LIN54: variants seen among roughly 807,000 people sequenced by gnomAD.
The protein encoded by LIN54 is protein lin-54 homolog.
In LIN54, 9 loss-of-function variants were observed where a neutral mutation model predicts 78.7. The ratio of observed to expected loss-of-function variants is 0.11; its 90% confidence interval spans 0.07 to 0.20. The LOEUF is 0.20. Among genes scored for constraint, LIN54 ranks in the 10% least tolerant of loss-of-function variants. The pLI, the probability that LIN54 is intolerant of heterozygous loss-of-function variation, is 1.00. For synonymous variants in LIN54, 269 were observed against 318.4 expected (o/e 0.84, Z 1.65); for missense variants, 573 against 889.9 (o/e 0.64, Z 4.53).
intron 1 of LIN54, among the ~76,000 whole-genome samples, chr4:83,008,386 C>T (rs1239512641): frequency 6.6e-6 from 1 of 152,204 alleles, no homozygotes; most frequent in Non-Finnish European, 1.5e-5. Flanking sequence ...CGCAGTGGCT[C>T]ACGCCTGTAA....
chr4:82,985,932 T>A (rs1165594232), intron 1 of LIN54, among the ~76,000 whole-genome samples: 1 of 152,178 alleles, frequency 6.6e-6, no homozygotes, highest in Non-Finnish European at 1.5e-5. Context: ...TAAAGCAGAT[T>A]ACGAAAAACT....
intron 9 of LIN54, 130 bp downstream of exon 9, chr4:82,937,097 C>G: frequency 1.4e-6 from 1 of 716,528 alleles, no homozygotes; most frequent in Non-Finnish European, 2.6e-6. Context: ...TTCAAACATT[C>G]ATTTGTATGT....
intron 11 of LIN54, among the ~76,000 whole-genome samples, chr4:82,934,022 A>G (rs2126031037): frequency 6.6e-6 from 1 of 152,306 alleles, no homozygotes; most frequent in Non-Finnish European, 1.5e-5. Flanking sequence ...CAAGCCGGCT[A>G]TTTCATCAGG....
At chr4:82,950,343 C>T (rs1331558682) in intron 4 of LIN54, among the ~76,000 whole-genome samples, 1 of 152,132 alleles carries the variant, frequency 6.6e-6, no homozygotes, top group Admixed American at 6.6e-5. Context: ...CAGCCCTAAC[C>T]CTTAGCAACC....
chr4:82,941,618 C>CA (rs1418913671), intron 5 of LIN54, among the ~76,000 whole-genome samples: 13 of 151,762 alleles, frequency 8.6e-5, no homozygotes, highest in Non-Finnish European at 1.8e-4. Flanking sequence ...CAGAAGAGTG[C>CA]AAAAAAATGA....
chr4:82,987,161 G>T (rs1199725482), intron 1 of LIN54, among the ~76,000 whole-genome samples: 2 of 152,108 alleles, frequency 1.3e-5, no homozygotes, highest in Non-Finnish European at 2.9e-5. Context: ...CGTGGTGGTG[G>T]GTGCTTGTAA....
intron 5 of LIN54, among the ~76,000 whole-genome samples, chr4:82,943,235 G>C (rs1033558372): frequency 9.9e-5 from 15 of 152,096 alleles, no homozygotes; most frequent in Admixed American, 2.6e-4. Flanking sequence ...ACCTGCAAGT[G>C]TTTGAGGCTT....
intron 5 of LIN54, among the ~76,000 whole-genome samples, chr4:82,940,525 C>T (rs542829089): frequency 2.6e-5 from 4 of 152,144 alleles, no homozygotes; most frequent in South Asian, 2.1e-4. Context: ...CCCAAGTACC[C>T]GAAGTTACAG....
Position 82,970,435 on chromosome 4 carries a change from T to C in LIN54, c.843A>G (p.Pro281=), listed in dbSNP as rs1441585842. The C allele has an allele frequency of 6.2e-7, 1 of 1,613,520 alleles. No homozygotes were observed. The highest frequency in any genetic ancestry group is 8.5e-7 in the Non-Finnish European group (1 of 1,179,682). The part of the protein sequence containing the change: ...RVLSQSTPGT[P]SKTITISESG... ...TTTCAGATATTGTTATGGTCTTTGA[T>C]GGAGTTCCGGGAGTAGACTGTGAAA... The change falls in exon 4 of 13, where the codon CCA becomes CCG. Residue 281 remains proline, a synonymous_variant. Transcript: ENST00000340417.
intron 2 of LIN54, among the ~76,000 whole-genome samples, chr4:82,983,733 C>T (rs2126086215): frequency 6.6e-6 from 1 of 152,064 alleles, no homozygotes. Flanking sequence ...CTATTACTGG[C>T]TCTGAGGGTT....
At chr4:82,947,235 A>ATATATATATATATATTTT in intron 4 of LIN54, among the ~76,000 whole-genome samples, 2 of 44,290 alleles carry the variant, frequency 4.5e-5, no homozygotes, top group African/African-American at 2.0e-4. Context: ...ATATATATAT[A>ATATATATATATATATTTT]TTTTTTTTTT....
At chr4:82,991,759 TTTC>T (rs1261157519) in intron 1 of LIN54, among the ~76,000 whole-genome samples, 10 of 152,202 alleles carry the variant, frequency 6.6e-5, no homozygotes, top group African/African-American at 2.4e-4. Flanking sequence ...TCGTATGGCT[TTTC>T]TTTTTTTAAT....
Position 82,946,336 on chromosome 4 carries a change from C to T in LIN54, c.1090G>A (p.Val364Ile). Reference sequence around the variant, plus strand: ...GAGCTACTGGCTGATGTGGCAGTAACAAGTCGGACATAATGAAACTTGCTT... The same window carrying T: ...GAGCTACTGGCTGATGTGGCAGTAATAAGTCGGACATAATGAAACTTGCTT... ...PGSKFHYVRL[V>I]TATSASSSTQ... is the part of the protein sequence containing the mutation. Residue 364 changes from valine to isoleucine, a missense_variant, in exon 5 of 13, where the codon GTT becomes ATT. This residue lies in a region of LIN54 where 199 missense variants were observed against 260.9 expected (regional missense o/e 0.76). Coordinates refer to ENST00000340417, the MANE Select transcript of LIN54 (RefSeq NM_194282.4). The T allele has an allele frequency of 6.2e-7, 1 of 1,614,194 alleles. No homozygotes were observed. The highest frequency in any genetic ancestry group is 8.5e-7 in the Non-Finnish European group (1 of 1,180,026).
At chr4:83,012,576 AG>A (rs1289669549), upstream of LIN54, among the ~76,000 whole-genome samples, 3 of 151,836 alleles carry the variant, frequency 2.0e-5, no homozygotes, top group Admixed American at 6.5e-5. Flanking sequence ...GAAGAGACCG[AG>A]CCCCAAGGAT....
intron 4 of LIN54, among the ~76,000 whole-genome samples, chr4:82,946,989 G>T (rs1306169967): frequency 6.6e-6 from 1 of 151,296 alleles, no homozygotes; most frequent in Non-Finnish European, 1.5e-5. Context: ...CCTGACCTCA[G>T]GTGATCCACC....
rs1171273510 is a variant in LIN54 at position 82,924,638 on chromosome 4, AC to A, written c.*3463del. 6.6e-6 allele frequency: 1 copy of A among 152,140 alleles called. No individual in the cohort carries two copies. Among genetic ancestry groups the A allele is most frequent in the Non-Finnish European group, 1.5e-5 (1 of 68,036 alleles). 9.4% of individuals were successfully genotyped at this position (152,140 alleles called of 1,614,324 possible). ...AGAAGGAAATTTTTAATTAAAAAAAACCTTATAGCTTTCAACTCATAAAATC... is the reference window on the plus strand; with the variant it reads ...AGAAGGAAATTTTTAATTAAAAAAAACTTATAGCTTTCAACTCATAAAATC... On this transcript the variant is annotated 3_prime_UTR_variant, in exon 13 of 13. Coordinates refer to ENST00000340417, the MANE Select transcript of LIN54 (RefSeq NM_194282.4).
At chr4:82,958,688 GATTT>G (rs1026656537) in intron 4 of LIN54, among the ~76,000 whole-genome samples, 1 of 152,048 alleles carries the variant, frequency 6.6e-6, no homozygotes. Flanking sequence ...ATTTATTTTT[GATTT>G]ATTTATTATT....
intron 5 of LIN54, 133 bp from the exon 6 acceptor site, chr4:82,940,095 GC>G (rs2126037308): frequency 1.5e-6 from 1 of 674,682 alleles, no homozygotes; most frequent in South Asian, 2.0e-5. Context: ...CCTAATTTGA[GC>G]AATCTTTAAT....
At chr4:83,004,398 CAAA>C (rs34722830) in intron 1 of LIN54, among the ~76,000 whole-genome samples, 12 of 100,926 alleles carry the variant, frequency 1.2e-4, no homozygotes, top group Non-Finnish European at 1.5e-4. Context: ...GACTCCGTTG[CAAA>C]AAAAAAAAAA....
Sources: gnomAD v4.1 joint callset for allele counts (sites outside exome capture counted in the v4.1 genomes callset) on GRCh38, gnomAD v4.1.1 for gene constraint, gnomAD v4.1.1 regional missense constraint, MANE v1.5 for transcripts, NCBI Gene and HGNC (gene_info 2026-07-23, HGNC 2026-07-21) for gene names.